Variants in GPHN observed in about 807,000 individuals in gnomAD.
The protein encoded by GPHN is gephyrin.
Under a neutral mutation model 95.5 loss-of-function variants are expected in GPHN, and 17 were observed. The observed-to-expected ratio is 0.18, with a 90% CI of 0.12 to 0.27. GPHN has a LOEUF of 0.27. Ranked by LOEUF, GPHN falls within the 10% of genes least tolerant of loss-of-function variation. The pLI is 1.00. For missense variants in GPHN, 660 were observed against 978.1 expected, an observed-to-expected ratio of 0.67 and a Z score of 4.34; for synonymous variants, 320 against 322.5, an observed-to-expected ratio of 0.99 and a Z score of 0.08.
At chr14:66,731,388 A>G (rs1359234265) in intron 2 of GPHN, among the ~76,000 whole-genome samples, 1 of 152,214 alleles carries the variant, frequency 6.6e-6, no homozygotes, top group Non-Finnish European at 1.5e-5. Context: ...GGTTTTTACT[A>G]AAATGCTGAC....
Position 66,526,803 on chromosome 14 carries a change from C to A in GPHN, c.64+18212C>A, listed in dbSNP as rs150087737. Among the ~76,000 whole-genome samples the A allele has an allele frequency of 5.2e-4, 79 of 152,298 alleles. 3 individuals carry two copies. The East Asian group carries it at 0.013, about 26-fold the overall frequency. On this transcript the variant is annotated intron_variant, in intron 1 of 22. Transcript: ENST00000478722. ...TATTGATTTGTATATGTTGAACCAG[C>A]ATTGCATCCCAGGGATGAAGCTGAC... is the stretch of plus-strand genomic sequence containing the variant.
At chr14:67,381,827 G>C in the GPHN span, 1 of 572,580 alleles carries the variant, frequency 1.7e-6, no homozygotes, top group Non-Finnish European at 3.0e-6. Flanking sequence ...TTGAGCAGTG[G>C]TTCTTGGTAA....
the GPHN span, chr14:67,572,092 G>A: frequency 6.3e-7 from 1 of 1,581,922 alleles, no homozygotes; most frequent in African/African-American, 1.3e-5. Context: ...CGTGAGTCGG[G>A]GAGGTGTGGG....
chr14:66,857,049 A>T (rs2062834334), intron 4 of GPHN, among the ~76,000 whole-genome samples: 1 of 152,174 alleles, frequency 6.6e-6, no homozygotes, highest in Admixed American at 6.5e-5. Flanking sequence ...AAAAAAGAAA[A>T]AGATAGTTAC....
At chr14:67,185,032 C>T (rs921987784), downstream of GPHN, among the ~76,000 whole-genome samples, 5 of 152,040 alleles carry the variant, frequency 3.3e-5, no homozygotes, top group South Asian at 4.1e-4. Flanking sequence ...ATTGATAAGG[C>T]AATTATTTGT....
intron 18 of GPHN, among the ~76,000 whole-genome samples, chr14:67,156,724 C>A (rs150135975): frequency 0.014 from 2,117 of 152,166 alleles, 37 homozygotes; most frequent in African/African-American, 0.047. Context: ...TGCCTATAAT[C>A]CCAGCACTTT....
intron 1 of GPHN, among the ~76,000 whole-genome samples, chr14:66,559,486 T>C (rs1469801728): frequency 4.0e-5 from 6 of 148,826 alleles, no homozygotes; most frequent in Admixed American, 1.3e-4. Context: ...TCTCTGATGG[T>C]CAGTGATGAT....
At chr14:66,939,239 A>C (rs906416918) in intron 8 of GPHN, among the ~76,000 whole-genome samples, 1 of 152,194 alleles carries the variant, frequency 6.6e-6, no homozygotes, top group Non-Finnish European at 1.5e-5. Context: ...ACAGAGAAAA[A>C]GGCAGTCCAC....
At chr14:67,453,795 A>G in the GPHN span, among the ~76,000 whole-genome samples, 12 of 152,148 alleles carry the variant, frequency 7.9e-5, no homozygotes, top group African/African-American at 2.9e-4. Context: ...CCAGGCTTAG[A>G]GCTCAGCCGT....
intron 4 of GPHN, among the ~76,000 whole-genome samples, chr14:66,856,899 T>G (rs746023809): frequency 2.6e-5 from 4 of 152,056 alleles, no homozygotes; most frequent in Non-Finnish European, 5.9e-5. Context: ...AGACATAAAA[T>G]TCAGTGTATT....
the GPHN span, chr14:67,347,319 A>C: frequency 9.5e-7 from 1 of 1,050,176 alleles, no homozygotes. Flanking sequence ...ACCTCTCAAC[A>C]TCTAGCACCA....
At chr14:67,580,515 G>A in the GPHN span, among the ~76,000 whole-genome samples, 61 of 152,332 alleles carry the variant, frequency 4.0e-4, 3 homozygotes, top group South Asian at 9.7e-3. Context: ...TTTTAACATT[G>A]CCTGGAAAAA....
chr14:67,064,864 T>A (rs2075980401), intron 11 of GPHN, among the ~76,000 whole-genome samples: 1 of 152,148 alleles, frequency 6.6e-6, no homozygotes, highest in Admixed American at 6.5e-5. Context: ...ATCAATTTTG[T>A]CGATCCTTTC....
chr14:66,738,402 T>G (rs1488017083), intron 2 of GPHN, among the ~76,000 whole-genome samples: 1 of 152,222 alleles, frequency 6.6e-6, no homozygotes, highest in Non-Finnish European at 1.5e-5. Context: ...ATTTAAAATG[T>G]TAAGCTACAA....
chr14:66,960,593 T>C (rs954274296), intron 8 of GPHN, among the ~76,000 whole-genome samples: 2 of 152,120 alleles, frequency 1.3e-5, no homozygotes, highest in Non-Finnish European at 2.9e-5. Flanking sequence ...AAAAAATTAA[T>C]AATAAAAACA....
At chr14:67,507,149 G>T in the GPHN span, among the ~76,000 whole-genome samples, 1 of 152,068 alleles carries the variant, frequency 6.6e-6, no homozygotes, top group Admixed American at 6.6e-5. Flanking sequence ...AACAGAGGGG[G>T]TTATACTCTC....
chr14:66,746,283 G>C (rs1388348726), intron 2 of GPHN, among the ~76,000 whole-genome samples: 1 of 152,104 alleles, frequency 6.6e-6, no homozygotes, highest in Non-Finnish European at 1.5e-5. Context: ...CATCATTTCA[G>C]TATTAGGCTC....
At chr14:67,542,952 G>C in the GPHN span, among the ~76,000 whole-genome samples, 1 of 152,094 alleles carries the variant, frequency 6.6e-6, no homozygotes, top group Admixed American at 6.5e-5. Context: ...CTCGCCTCAG[G>C]TGATCACCTC....
the GPHN span, among the ~76,000 whole-genome samples, chr14:67,504,823 T>C: frequency 6.6e-6 from 1 of 152,162 alleles, no homozygotes; most frequent in South Asian, 2.1e-4. Context: ...AGGCAGAGGT[T>C]GCAGGTGAGC....
Sources: allele counts gnomAD v4.1 joint callset (sites outside exome capture counted in the v4.1 genomes callset), GRCh38; gene constraint gnomAD v4.1.1; transcripts MANE v1.5; gene names NCBI Gene and HGNC (gene_info 2026-07-23, HGNC 2026-07-21).